The following NAV3 variants were observed in gnomAD, a reference collection of about 807,000 sequenced individuals.
NAV3 encodes the protein neuron navigator 3, also known as pore membrane and/or filament interacting like protein 1.
Under a neutral mutation model 244.7 loss-of-function variants are expected in NAV3, and 87 were observed. The ratio of observed to expected loss-of-function variants is 0.36; its 90% CI spans 0.30 to 0.42. NAV3 has a LOEUF of 0.42. NAV3 is among the 20% of genes least tolerant of loss of function. NAV3 has a pLI of 1.00. For synonymous variants in NAV3, 1,126 were observed against 1,042.2 expected (o/e 1.08, Z -1.55); for missense variants, 2,663 against 2,893.3 (o/e 0.92, Z 1.83).
intron 1 of NAV3, among the ~76,000 whole-genome samples, chr12:77,917,021 C>G (rs987475156): frequency 6.6e-6 from 1 of 151,900 alleles, no homozygotes; most frequent in Admixed American, 6.6e-5. Flanking sequence ...ATAAACTAGT[C>G]TTATAAACAT....
rs56078008 is a variant in NAV3 at position 78,133,696 on chromosome 12, C to T, written c.4442-3481C>T. On this transcript the variant is annotated intron_variant, in intron 18 of 39. Transcript: ENST00000397909. ...GCTACTGCCACAGTAAACTATGGTT[C>T]GTGTGTCGTTCCCAGCATGCTAGCC... is the stretch of plus-strand genomic sequence containing the variant. Among the ~76,000 whole-genome samples the T allele has an allele frequency of 3.9e-5, 6 of 152,208 alleles. No individual in the cohort carries two copies. The South Asian group carries it at 8.3e-4, about 21-fold the overall frequency.
At chr12:77,712,725 A>G (rs929101907) in intron 2 of NAV3, among the ~76,000 whole-genome samples, 1 of 152,248 alleles carries the variant, frequency 6.6e-6, no homozygotes, top group Non-Finnish European at 1.5e-5. Context: ...TAAAATGCCA[A>G]CAAATTCACT....
chr12:77,785,022 A>T (rs1000126312), intron 2 of NAV3, among the ~76,000 whole-genome samples: 1 of 152,134 alleles, frequency 6.6e-6, no homozygotes, highest in Non-Finnish European at 1.5e-5. Context: ...TCAGTCAGGA[A>T]TCTTAGCATT....
intron 8 of NAV3, among the ~76,000 whole-genome samples, chr12:78,016,942 A>G (rs1876319619): frequency 6.6e-6 from 1 of 152,102 alleles, no homozygotes; most frequent in Non-Finnish European, 1.5e-5. Context: ...TCTGTTAGCT[A>G]AGGGAACCTC....
intron 2 of NAV3, among the ~76,000 whole-genome samples, chr12:77,802,690 G>A (rs1871772537): frequency 6.6e-6 from 1 of 151,518 alleles, no homozygotes; most frequent in Admixed American, 6.6e-5. Flanking sequence ...TTTTTGAGAT[G>A]GAGTCTCTGT....
At chr12:78,209,601 C>G (rs1246541157) in intron 39 of NAV3, among the ~76,000 whole-genome samples, 1 of 150,818 alleles carries the variant, frequency 6.6e-6, no homozygotes, top group African/African-American at 2.4e-5. Context: ...TATCAAAATT[C>G]AAGCAATGTG....
At chr12:77,582,961 G>A (rs1869437722) in intron 2 of NAV3, among the ~76,000 whole-genome samples, 2 of 152,194 alleles carry the variant, frequency 1.3e-5, no homozygotes. Context: ...GACACACAAT[G>A]AGGGTAAGAA....
At chr12:78,135,433 C>A (rs1312166310) in intron 18 of NAV3, among the ~76,000 whole-genome samples, 1 of 152,138 alleles carries the variant, frequency 6.6e-6, no homozygotes, top group Non-Finnish European at 1.5e-5. Context: ...AATGTTTCAT[C>A]TTGATAGAGC....
Position 78,006,842 on chromosome 12 carries a change from C to T in NAV3, c.1304C>T (p.Ser435Leu), listed in dbSNP as rs1478635490. 2.5e-6 allele frequency: 4 copies of T among 1,613,960 alleles called. No individual in the cohort carries two copies. In the East Asian group the frequency reaches 6.7e-5, roughly 27 times the overall value. The stretch of plus-strand genomic sequence containing the variant: ...AACAGTGGTCTGAATAGTGGTGGCT[C>T]AACAAATAGCAGTCCCAAAGTGTCA... ...GFNSGLNSGGSTNSSPKVSPK... is the reference protein window; with the variant it reads ...GFNSGLNSGGLTNSSPKVSPK... Residue 435 changes from serine to leucine, a missense_variant, in exon 8 of 40, where the codon TCA (serine) becomes TTA (leucine). Physicochemically the swap from Ser to Leu is moderately radical, Grantham distance 145. Around this residue, in one of 6 missense-constraint regions of NAV3, gnomAD observed 1,521 missense variants for 1,497.0 expected, o/e 1.02. Coordinates refer to ENST00000397909, the MANE Select transcript of NAV3 (RefSeq NM_001024383.2).
At chr12:78,051,937 A>G (rs1471123491) in intron 11 of NAV3, among the ~76,000 whole-genome samples, 4 of 152,172 alleles carry the variant, frequency 2.6e-5, no homozygotes, top group African/African-American at 9.7e-5. Flanking sequence ...TACATGTTCT[A>G]TGGATAAGGA....
At chr12:78,105,994 A>G (rs1041255403) in intron 12 of NAV3, among the ~76,000 whole-genome samples, 1 of 151,416 alleles carries the variant, frequency 6.6e-6, no homozygotes, top group African/African-American at 2.4e-5. Context: ...TTCTGAAGTT[A>G]TTTTTCCTAG....
At chr12:77,953,369 C>A (rs551567942) in intron 3 of NAV3, among the ~76,000 whole-genome samples, 1 of 152,118 alleles carries the variant, frequency 6.6e-6, no homozygotes, top group South Asian at 2.1e-4. Flanking sequence ...ATTGAATATA[C>A]CCTTCTCCAT....
intron 9 of NAV3, among the ~76,000 whole-genome samples, chr12:78,024,011 G>A (rs902549011): frequency 1.6e-4 from 25 of 152,004 alleles, no homozygotes; most frequent in Admixed American, 1.6e-3. Flanking sequence ...TTCATGCACT[G>A]CACTCTCACT....
chr12:78,004,845 G>T (rs921210086), intron 7 of NAV3, among the ~76,000 whole-genome samples: 2 of 152,228 alleles, frequency 1.3e-5, no homozygotes, highest in South Asian at 2.1e-4. Context: ...GTGTGTACTC[G>T]CCTGAGAATG....
intron 1 of NAV3, among the ~76,000 whole-genome samples, chr12:77,930,462 C>T (rs1164736087): frequency 6.6e-6 from 1 of 150,572 alleles, no homozygotes; most frequent in Non-Finnish European, 1.5e-5. Flanking sequence ...CAGTTTCCAA[C>T]AGATCTGTAA....
intron 12 of NAV3, among the ~76,000 whole-genome samples, chr12:78,060,480 G>A (rs1036693880): frequency 3.3e-5 from 5 of 152,058 alleles, no homozygotes; most frequent in Admixed American, 6.6e-5. Flanking sequence ...ATGTGTATGT[G>A]TGTGTGTGAA....
chr12:77,750,862 A>G (rs529491079), intron 2 of NAV3, among the ~76,000 whole-genome samples: 37 of 152,340 alleles, frequency 2.4e-4, no homozygotes, highest in African/African-American at 8.7e-4. Context: ...GTGATAATCA[A>G]TTTTCAAAGT....
At chr12:78,105,890 T>C (rs1389402742) in intron 12 of NAV3, among the ~76,000 whole-genome samples, 1 of 151,592 alleles carries the variant, frequency 6.6e-6, no homozygotes, top group Non-Finnish European at 1.5e-5. Flanking sequence ...AATCCTAATT[T>C]TATATTTTAT....
intron 2 of NAV3, among the ~76,000 whole-genome samples, chr12:77,584,939 A>G (rs1305600033): frequency 6.6e-6 from 1 of 152,230 alleles, no homozygotes; most frequent in African/African-American, 2.4e-5. Flanking sequence ...GTTAGCACAG[A>G]GTCTGGTATC....
Sources: gnomAD v4.1 joint callset for allele counts (sites outside exome capture counted in the v4.1 genomes callset) on GRCh38, gnomAD v4.1.1 for gene constraint, gnomAD v4.1.1 regional missense constraint, MANE v1.5 for transcripts, NCBI Gene and HGNC (gene_info 2026-07-23, HGNC 2026-07-21) for gene names.